Variants in CTNNAL1 observed in about 807,000 individuals in gnomAD.
CTNNAL1 encodes catenin alpha like 1.
CTNNAL1 carries 69 observed loss-of-function variants against 93.6 expected under a neutral mutation model. The ratio of observed to expected loss-of-function variants is 0.74; its 90% CI spans 0.61 to 0.90. The LOEUF (loss-of-function observed/expected upper bound fraction) is 0.90, where lower values mean the gene tolerates loss of function less well. Among genes scored for constraint, CTNNAL1 ranks in the 40% least tolerant of loss-of-function variants. The probability of loss-of-function intolerance (pLI) is 0.00; values close to 1 mark genes in which losing one functional copy is unlikely to be tolerated. For missense variants in CTNNAL1, 836 were observed against 862.0 expected (o/e 0.97, Z 0.38); for synonymous variants, 286 against 305.4 (o/e 0.94, Z 0.66).
chr9:108,983,818 AT>A (rs1831515317), intron 5 of CTNNAL1, among the ~76,000 whole-genome samples: 1 of 152,236 alleles, frequency 6.6e-6, no homozygotes, highest in Admixed American at 6.5e-5. Flanking sequence ...AGAAAAGGTT[AT>A]TCCAAACAAA....
At chr9:108,995,961 T>C (rs1244403451) in intron 2 of CTNNAL1, among the ~76,000 whole-genome samples, 1 of 140,158 alleles carries the variant, frequency 7.1e-6, no homozygotes, top group East Asian at 2.1e-4. Context: ...CCTAAGACTT[T>C]AGTGTTTTTT....
intron 4 of CTNNAL1, among the ~76,000 whole-genome samples, chr9:108,990,040 G>C (rs1038691434): frequency 1.3e-5 from 2 of 152,112 alleles, no homozygotes; most frequent in African/African-American, 4.8e-5. Flanking sequence ...GACAGAGAGA[G>C]ACTCCATCTC....
chr9:108,952,182 A>T (rs1830580847), intron 14 of CTNNAL1, 27 bp downstream of exon 14: 4 of 1,576,538 alleles, frequency 2.5e-6, no homozygotes, highest in Non-Finnish European at 3.5e-6. Flanking sequence ...ATACTGATTT[A>T]AAAAATAAAA....
intron 1 of CTNNAL1, among the ~76,000 whole-genome samples, chr9:109,010,677 C>A (rs894215418): frequency 2.6e-5 from 4 of 152,142 alleles, no homozygotes; most frequent in Admixed American, 1.3e-4. Flanking sequence ...GCAAAAAAAA[C>A]TATACACATT....
intron 17 of CTNNAL1, 85 bp downstream of exon 17, chr9:108,943,618 T>C (rs941700867): frequency 3.9e-5 from 43 of 1,111,180 alleles, no homozygotes; most frequent in Admixed American, 2.5e-4. Context: ...TGCCCTTCTG[T>C]GGGTACTAAC....
rs964890026 is a variant in CTNNAL1, at chr9:108,946,860, C to A, written c.1884+1326G>T. On this transcript the variant is annotated intron_variant, in intron 15 of 18. Coordinates refer to ENST00000325551, the MANE Select transcript of CTNNAL1 (RefSeq NM_003798.4). ...CATAGGAAGAAGGTAAGTAGTGGAT[C>A]TTTTGTAGTAAAACACCCCTACAGG... Among the ~76,000 whole-genome samples the A allele has an allele frequency of 2.1e-4, 32 of 152,114 alleles. No homozygotes were observed. The East Asian group carries it at 2.5e-3, about 12-fold the overall frequency.
At chr9:108,979,542 G>T in intron 6 of CTNNAL1, 61 bp from the exon 7 acceptor site, 1 of 1,513,340 alleles carries the variant, frequency 6.6e-7, no homozygotes, top group Non-Finnish European at 9.1e-7. Flanking sequence ...TGACCAAAAT[G>T]GGCTGTAATT....
chr9:108,979,576 T>C, intron 6 of CTNNAL1, 95 bp from the exon 7 acceptor site: 1 of 1,126,110 alleles, frequency 8.9e-7, no homozygotes, highest in Admixed American at 2.2e-5. Flanking sequence ...AGGAAAACAC[T>C]AGCATTTCCT....
intron 1 of CTNNAL1, among the ~76,000 whole-genome samples, chr9:109,001,875 T>C (rs1826841478): frequency 6.6e-6 from 1 of 152,246 alleles, no homozygotes; most frequent in Non-Finnish European, 1.5e-5. Context: ...GTTGTTTTAA[T>C]GCACTAAATT....
At chr9:108,972,864 G>GCCGCCCCCCCCC in intron 8 of CTNNAL1, 31 bp from the exon 9 acceptor site, 1 of 142,588 alleles carries the variant, frequency 7.0e-6, no homozygotes, top group Non-Finnish European at 1.0e-5. Flanking sequence ...GGGGGGGTGG[G>GCCGCCCCCCCCC]AGGGTGGAGA....
intron 11 of CTNNAL1, among the ~76,000 whole-genome samples, chr9:108,959,364 C>CCAAAAA (rs1830769045): frequency 1.8e-5 from 1 of 55,844 alleles, no homozygotes; most frequent in African/African-American, 8.2e-5. Flanking sequence ...GACTCCATAT[C>CCAAAAA]AAAAAAAAAA....
At chr9:108,952,115 G>T in intron 14 of CTNNAL1, 94 bp downstream of exon 14, 3 of 1,081,218 alleles carry the variant, frequency 2.8e-6, no homozygotes, top group Non-Finnish European at 2.6e-6. Flanking sequence ...ATTTGATACC[G>T]ACTTTAACCT....
At chr9:108,963,140 C>G (rs1306265968) in intron 11 of CTNNAL1, among the ~76,000 whole-genome samples, 1 of 152,230 alleles carries the variant, frequency 6.6e-6, no homozygotes, top group Non-Finnish European at 1.5e-5. Context: ...GTAATTGCTA[C>G]TCAGAACATC....
intron 1 of CTNNAL1, among the ~76,000 whole-genome samples, chr9:109,008,876 CTTTTTTTTT>C (rs1162375548): frequency 5.5e-5 from 3 of 54,872 alleles, no homozygotes; most frequent in African/African-American, 1.5e-4. Context: ...AACAGAGGTT[CTTTTTTTTT>C]TTTTTTTTTT....
chr9:108,971,011 C>T (rs1373380371), intron 9 of CTNNAL1, among the ~76,000 whole-genome samples: 1 of 151,902 alleles, frequency 6.6e-6, no homozygotes, highest in African/African-American at 2.4e-5. Flanking sequence ...ACGCTTAAAA[C>T]AGAAAATCAG....
intron 2 of CTNNAL1, among the ~76,000 whole-genome samples, chr9:108,994,572 G>A (rs147009324): frequency 3.9e-5 from 6 of 152,296 alleles, no homozygotes; most frequent in Admixed American, 6.5e-5. Context: ...AAGATAAGTC[G>A]CAAGACATGG....
At chr9:108,988,690 C>T (rs10283602) in intron 4 of CTNNAL1, among the ~76,000 whole-genome samples, 7,870 of 152,242 alleles carry the variant, frequency 0.052, 315 homozygotes, top group East Asian at 0.12. Flanking sequence ...CATTGGCCTT[C>T]GTGTTCTTTG....
intron 8 of CTNNAL1, 31 bp from the exon 9 acceptor site, chr9:108,972,864 G>GGGGGGGGCCCCCCCCCCCCCC: frequency 2.1e-5 from 3 of 142,506 alleles, no homozygotes; most frequent in Non-Finnish European, 2.0e-5. Flanking sequence ...GGGGGGGTGG[G>GGGGGGGGCCCCCCCCCCCCCC]AGGGTGGAGA....
intron 8 of CTNNAL1, among the ~76,000 whole-genome samples, chr9:108,974,048 C>T (rs1466070977): frequency 2.0e-5 from 3 of 152,238 alleles, no homozygotes; most frequent in Non-Finnish European, 4.4e-5. Flanking sequence ...CGAAACAGCT[C>T]CACAGAGACT....
Sources: allele counts gnomAD v4.1 joint callset (sites outside exome capture counted in the v4.1 genomes callset), GRCh38; gene constraint gnomAD v4.1.1; transcripts MANE v1.5; gene names NCBI Gene and HGNC (gene_info 2026-07-23, HGNC 2026-07-21).